Variants in PTGIS observed in about 807,000 individuals in gnomAD.
PTGIS encodes prostacyclin synthase.
In PTGIS, 45 loss-of-function variants were observed where a neutral mutation model predicts 50.3. That is an observed-to-expected ratio of 0.90 (90% CI 0.70 to 1.15). The LOEUF is 1.15. PTGIS is among the 50% of genes most tolerant of loss of function. The pLI is 0.00. For missense variants in PTGIS, 668 were observed against 661.3 expected (o/e 1.01, Z -0.11); for synonymous variants, 260 against 267.7 (o/e 0.97, Z 0.28).
At chr20:49,510,535 A>T (rs1981285735) in intron 9 of PTGIS, among the ~76,000 whole-genome samples, 1 of 152,138 alleles carries the variant, frequency 6.6e-6, no homozygotes. Context: ...GGACAGGAGG[A>T]CAGGGCAGAT....
chr20:49,515,200 T>A (rs1981445331), intron 6 of PTGIS, among the ~76,000 whole-genome samples: 1 of 152,252 alleles, frequency 6.6e-6, no homozygotes, highest in African/African-American at 2.4e-5. Flanking sequence ...ATCTTCAAAT[T>A]CTATCAGTCA....
At chr20:49,538,947 G>A (rs555110604) in intron 5 of PTGIS, among the ~76,000 whole-genome samples, 1 of 152,118 alleles carries the variant, frequency 6.6e-6, no homozygotes, top group African/African-American at 2.4e-5. Flanking sequence ...CTCCCAAAGT[G>A]CTGGGATTAC....
rs1323033063 is a variant in PTGIS at position 49,511,114 on chromosome 20, C to G, written c.1272G>C (p.Gly424=). Residue 424 remains glycine (G), a synonymous_variant, in exon 9 of 10, where the codon GGG becomes GGC. Coordinates refer to ENST00000244043, the MANE Select transcript of PTGIS (RefSeq NM_000961.4). ...GCATGTTGTAATTCTTCAGCCGTTT[C>G]CCATCCTTGTAAAAGTCTTTCTTCT... ...GSEKKDFYKD[G]KRLKNYNMPW... The G allele has an allele frequency of 6.2e-7, 1 of 1,614,222 alleles. No homozygotes were observed. The highest frequency in any genetic ancestry group is 1.3e-5 in the African/African-American group (1 of 75,068).
chr20:49,535,613 C>G (rs1982049104), intron 5 of PTGIS, among the ~76,000 whole-genome samples: 1 of 152,198 alleles, frequency 6.6e-6, no homozygotes, highest in African/African-American at 2.4e-5. Flanking sequence ...TCACCAGGCT[C>G]AAGTGATCCT....
At chr20:49,567,955 C>A in intron 1 of PTGIS, 88 bp downstream of exon 1, 1 of 1,271,228 alleles carries the variant, frequency 7.9e-7, no homozygotes. Flanking sequence ...CGGGCCGGGC[C>A]GGCCGCGGGC....
intron 1 of PTGIS, among the ~76,000 whole-genome samples, chr20:49,552,907 T>C (rs1396086706): frequency 6.6e-6 from 1 of 152,152 alleles, no homozygotes; most frequent in African/African-American, 2.4e-5. Flanking sequence ...TGCCTGTCTG[T>C]CTATGTATTT....
intron 1 of PTGIS, among the ~76,000 whole-genome samples, chr20:49,556,313 T>C (rs1280063818): frequency 6.6e-6 from 1 of 152,188 alleles, no homozygotes; most frequent in Non-Finnish European, 1.5e-5. Flanking sequence ...AATGACATAT[T>C]TTCAGACTAC....
chr20:49,549,565 T>C (rs78334419), intron 2 of PTGIS, among the ~76,000 whole-genome samples: 6,117 of 152,258 alleles, frequency 0.04, 344 homozygotes, highest in African/African-American at 0.13. Context: ...TGGGTAGATC[T>C]GGGCAGACAC....
intron 5 of PTGIS, among the ~76,000 whole-genome samples, chr20:49,529,471 G>A (rs969046974): frequency 2.6e-5 from 4 of 152,020 alleles, no homozygotes; most frequent in African/African-American, 7.3e-5. Context: ...ACATTCTTTC[G>A]TGGATTTACA....
At chr20:49,547,074 A>G (rs1035602745) in intron 3 of PTGIS, among the ~76,000 whole-genome samples, 1 of 152,170 alleles carries the variant, frequency 6.6e-6, no homozygotes, top group South Asian at 2.1e-4. Flanking sequence ...TCTACTAAAA[A>G]TACAAAAATT....
intron 1 of PTGIS, among the ~76,000 whole-genome samples, chr20:49,555,064 A>G (rs973385007): frequency 6.6e-6 from 1 of 152,078 alleles, no homozygotes; most frequent in African/African-American, 2.4e-5. Context: ...TGAGGTCAGG[A>G]GTTCAAGACC....
At chr20:49,528,568 G>A (rs767760545) in intron 5 of PTGIS, among the ~76,000 whole-genome samples, 11 of 151,992 alleles carry the variant, frequency 7.2e-5, no homozygotes, top group Admixed American at 2.0e-4. Flanking sequence ...TGCAGTGAGC[G>A]GAGATTGCAC....
chr20:49,513,774 G>A (rs917053252), intron 7 of PTGIS, among the ~76,000 whole-genome samples: 12 of 152,114 alleles, frequency 7.9e-5, no homozygotes, highest in Non-Finnish European at 1.6e-4. Flanking sequence ...ACAGTCTTGG[G>A]ACTCTTGGTG....
At chr20:49,528,486 G>C (rs575887620) in intron 5 of PTGIS, among the ~76,000 whole-genome samples, 19 of 152,224 alleles carry the variant, frequency 1.2e-4, no homozygotes, top group Admixed American at 3.9e-4. Context: ...CAAGCATGGT[G>C]GTGGGCGCCT....
At chr20:49,548,544 G>GTGGA (rs911287956) in intron 2 of PTGIS, among the ~76,000 whole-genome samples, 2 of 151,328 alleles carry the variant, frequency 1.3e-5, no homozygotes, top group Admixed American at 6.6e-5. Flanking sequence ...GAATGGATGG[G>GTGGA]TGGATGGATG....
At chr20:49,509,881 CTTTTT>C (rs11337451) in intron 9 of PTGIS, among the ~76,000 whole-genome samples, 5 of 93,368 alleles carry the variant, frequency 5.4e-5, no homozygotes, top group African/African-American at 1.9e-4. Context: ...TTCTTTCTTT[CTTTTT>C]TTTTTTTTTT....
Position 49,544,353 on chromosome 20 carries a change from C to G in PTGIS, c.473G>C (p.Gly158Ala). ...LLGDATEAGSGWHEMGLLDFS... is the reference protein window; with the variant it reads ...LLGDATEAGSAWHEMGLLDFS... ...GTCGAGGAGACCCATCTCGTGCCAG[C>G]CACTGCCTGCTTCTGTAGCATCGCC... Residue 158 changes from glycine to alanine, a missense_variant, in exon 4 of 10, where the codon GGC becomes GCC. Coordinates refer to ENST00000244043, the MANE Select transcript of PTGIS (RefSeq NM_000961.4). 1 of 1,614,190 alleles carries G rather than the reference C, an allele frequency of 6.2e-7. No homozygotes were observed. Among genetic ancestry groups the G allele is most frequent in the Non-Finnish European group, 8.5e-7 (1 of 1,180,040 alleles).
rs1981170357 is a variant in PTGIS, at chr20:49,507,012, A to G, written c.*908T>C. 1 of 152,230 alleles carries G rather than the reference A, an allele frequency of 6.6e-6. No individual in the cohort carries two copies. Among genetic ancestry groups the G allele is most frequent in the South Asian group, 2.1e-4 (1 of 4,832 alleles). The allele number at this position is 152,230 out of a possible 1,614,324, so 9.4% of individuals were successfully genotyped here. ...ATGAACTCTCCCAAAGATGATAACA[A>G]CTAAGGCATTTTTTTAAGTGAAGTC... On this transcript the variant is annotated 3_prime_UTR_variant, in exon 10 of 10. Coordinates refer to ENST00000244043, the MANE Select transcript of PTGIS (RefSeq NM_000961.4).
At chr20:49,551,842 G>GTA (rs1231410643) in intron 1 of PTGIS, among the ~76,000 whole-genome samples, 1 of 144,672 alleles carries the variant, frequency 6.9e-6, no homozygotes, top group African/African-American at 2.7e-5. Context: ...GTGTGTGTGT[G>GTA]TGTATGCCTT....
Sources: allele counts gnomAD v4.1 joint callset (sites outside exome capture counted in the v4.1 genomes callset), GRCh38; gene constraint gnomAD v4.1.1; transcripts MANE v1.5; gene names NCBI Gene and HGNC (gene_info 2026-07-23, HGNC 2026-07-21).